Variants in PTPRN2 observed in about 807,000 individuals in gnomAD.
PTPRN2 encodes protein tyrosine phosphatase receptor type N2.
PTPRN2 carries 74 observed loss-of-function variants against 118.8 expected under a neutral mutation model. The ratio of observed to expected loss-of-function variants is 0.62; its 90% CI spans 0.52 to 0.76. The LOEUF is 0.76. PTPRN2 is among the 30% of genes least tolerant of loss of function. PTPRN2 has a pLI of 0.00. For missense variants in PTPRN2, 1,481 were observed against 1,394.4 expected, an observed-to-expected ratio of 1.06 and a Z score of -0.99; for synonymous variants, 641 against 608.0, an observed-to-expected ratio of 1.05 and a Z score of -0.80.
At chr7:158,516,227 C>T (rs939072716) in intron 1 of PTPRN2, among the ~76,000 whole-genome samples, 1 of 152,210 alleles carries the variant, frequency 6.6e-6, no homozygotes, top group African/African-American at 2.4e-5. Flanking sequence ...CACCTGTAAT[C>T]CCAGGGCTTT....
At chr7:157,762,713 G>T (rs1333431796) in intron 12 of PTPRN2, among the ~76,000 whole-genome samples, 1 of 151,706 alleles carries the variant, frequency 6.6e-6, no homozygotes, top group Non-Finnish European at 1.5e-5. Context: ...CCTGCACAAT[G>T]TGCACATGTA....
chr7:158,436,125 T>C (rs1290685946), intron 2 of PTPRN2, among the ~76,000 whole-genome samples: 2 of 152,186 alleles, frequency 1.3e-5, no homozygotes, highest in Non-Finnish European at 2.9e-5. Flanking sequence ...GTAACACGCA[T>C]TATCGCATCC....
At chr7:158,585,818 G>A (rs1828874377) in intron 1 of PTPRN2, among the ~76,000 whole-genome samples, 1 of 152,228 alleles carries the variant, frequency 6.6e-6, no homozygotes, top group South Asian at 2.1e-4. Context: ...ACGCCCATGT[G>A]TGCTTCATGT....
intron 2 of PTPRN2, among the ~76,000 whole-genome samples, chr7:158,411,515 C>T (rs1369939730): frequency 6.6e-6 from 1 of 152,188 alleles, no homozygotes; most frequent in Non-Finnish European, 1.5e-5. Context: ...AAGGCACCTG[C>T]AAGTCCTGCT....
At chr7:157,967,804 A>C (rs181463710) in intron 11 of PTPRN2, among the ~76,000 whole-genome samples, 2 of 152,326 alleles carry the variant, frequency 1.3e-5, no homozygotes, top group Admixed American at 1.3e-4. Flanking sequence ...CCTTGGGATG[A>C]ATGATCAGGA....
chr7:158,249,397 C>G (rs973651058), intron 3 of PTPRN2, among the ~76,000 whole-genome samples: 1 of 150,454 alleles, frequency 6.6e-6, no homozygotes, highest in Non-Finnish European at 1.5e-5. Flanking sequence ...ATCTACCACA[C>G]CTGCACGCAC....
At chr7:158,171,250 CACACATATAT>C (rs1349687458) in intron 5 of PTPRN2, among the ~76,000 whole-genome samples, 1 of 46,546 alleles carries the variant, frequency 2.1e-5, no homozygotes, top group African/African-American at 8.0e-5. Context: ...CACATATATA[CACACATATAT>C]ATACACACAT....
intron 11 of PTPRN2, among the ~76,000 whole-genome samples, chr7:157,979,825 C>T (rs993503213): frequency 1.3e-5 from 2 of 152,220 alleles, no homozygotes; most frequent in African/African-American, 4.8e-5. Context: ...TAAGAGGTCC[C>T]TCAGCTTCCT....
At chr7:158,071,384 C>CGTGGTGGAGTTGCTCCTG (rs1811550665) in intron 11 of PTPRN2, among the ~76,000 whole-genome samples, 1 of 27,966 alleles carries the variant, frequency 3.6e-5, no homozygotes, top group Non-Finnish European at 6.6e-5. Flanking sequence ...TGGAGGTGCT[C>CGTGGTGGAGTTGCTCCTG]GTGGTGGAGG....
chr7:157,655,614 C>A (rs1806021441), intron 14 of PTPRN2, among the ~76,000 whole-genome samples: 1 of 152,244 alleles, frequency 6.6e-6, no homozygotes, highest in Non-Finnish European at 1.5e-5. Flanking sequence ...GTAACAGGCT[C>A]TGCCCTTTCA....
At chr7:158,423,178 A>T (rs576303669) in intron 2 of PTPRN2, among the ~76,000 whole-genome samples, 238 of 152,376 alleles carry the variant, frequency 1.6e-3, no homozygotes, top group Non-Finnish European at 3.0e-3. Context: ...TAAACTGTAT[A>T]CATCAACTCA....
At chr7:157,747,425 T>C (rs1585365312) in intron 12 of PTPRN2, among the ~76,000 whole-genome samples, 1 of 123,690 alleles carries the variant, frequency 8.1e-6, no homozygotes, top group African/African-American at 3.3e-5. Context: ...CCCTGAGCTT[T>C]GGGCTGTCCG....
At chr7:157,899,085 C>T (rs112930253) in intron 11 of PTPRN2, among the ~76,000 whole-genome samples, 1 of 152,220 alleles carries the variant, frequency 6.6e-6, no homozygotes, top group Non-Finnish European at 1.5e-5. Context: ...GTAATCGTTT[C>T]TAGCTGTATA....
At chr7:157,761,282 A>G (rs1214108906) in intron 12 of PTPRN2, among the ~76,000 whole-genome samples, 5 of 151,142 alleles carry the variant, frequency 3.3e-5, no homozygotes, top group Admixed American at 6.6e-5. Flanking sequence ...AAAAGAGCCC[A>G]CATTGCCAAG....
intron 4 of PTPRN2, among the ~76,000 whole-genome samples, chr7:158,200,472 G>C (rs1310093868): frequency 3.3e-5 from 5 of 152,132 alleles, no homozygotes; most frequent in Admixed American, 1.3e-4. Flanking sequence ...GTTTTTGTCT[G>C]AGAAATTTCA....
intron 12 of PTPRN2, 26 bp downstream of exon 12, chr7:157,898,647 C>T: frequency 6.4e-7 from 1 of 1,552,510 alleles, no homozygotes; most frequent in Non-Finnish European, 8.9e-7. Flanking sequence ...GATCGCAGAG[C>T]AGACGGCACC....
chr7:157,612,420 A>C (rs965115780), intron 15 of PTPRN2, among the ~76,000 whole-genome samples: 28 of 152,320 alleles, frequency 1.8e-4, no homozygotes, highest in African/African-American at 6.7e-4. Flanking sequence ...AGACAGAGAC[A>C]CAAACGGCTG....
chr7:157,771,717 ACACACACAGACG>A (rs1802819554), intron 12 of PTPRN2, among the ~76,000 whole-genome samples: 2 of 151,924 alleles, frequency 1.3e-5, no homozygotes, highest in South Asian at 4.2e-4. Flanking sequence ...ACACACACGA[ACACACACAGACG>A]CACAAACAGA....
At chr7:157,595,789 A>T (rs1012657206) in intron 16 of PTPRN2, among the ~76,000 whole-genome samples, 1 of 152,190 alleles carries the variant, frequency 6.6e-6, no homozygotes, top group Non-Finnish European at 1.5e-5. Flanking sequence ...GATTCAAACG[A>T]GCACCCGGCA....
Sources: allele counts gnomAD v4.1 joint callset (sites outside exome capture counted in the v4.1 genomes callset), GRCh38; gene constraint gnomAD v4.1.1; transcripts MANE v1.5; gene names NCBI Gene and HGNC (gene_info 2026-07-23, HGNC 2026-07-21).